The following MBNL2 variants were observed in gnomAD, a reference collection of about 807,000 sequenced individuals.
MBNL2 encodes muscleblind like splicing regulator 2, also known as muscleblind-like protein 2.
MBNL2 carries 17 observed loss-of-function variants against 41.9 expected under a neutral mutation model. That is an observed-to-expected ratio of 0.41 (90% CI 0.28 to 0.61). MBNL2 has a LOEUF of 0.61. Among genes scored for constraint, MBNL2 ranks in the 20% least tolerant of loss-of-function variants. The pLI is 0.35. For synonymous variants in MBNL2, 195 were observed against 182.9 expected (o/e 1.07, Z -0.53); for missense variants, 336 against 505.6 (o/e 0.66, Z 3.22).
the MBNL2 span, among the ~76,000 whole-genome samples, chr13:97,189,253 T>C: frequency 6.6e-6 from 1 of 152,228 alleles, no homozygotes; most frequent in Non-Finnish European, 1.5e-5. Context: ...CTAAGGTCGA[T>C]TTAATTACCT....
chr13:97,243,013 A>C (rs1431868361), intron 1 of MBNL2, among the ~76,000 whole-genome samples: 1 of 152,126 alleles, frequency 6.6e-6, no homozygotes, highest in African/African-American at 2.4e-5. Context: ...CTTGCCCTCT[A>C]TCAGCCTGAA....
chr13:97,237,445 T>A (rs930799667), intron 1 of MBNL2, among the ~76,000 whole-genome samples: 1 of 152,224 alleles, frequency 6.6e-6, no homozygotes. Flanking sequence ...TCCCATTTCC[T>A]TTCCCCTCAT....
At chr13:97,264,618 G>T (rs961760079) in intron 1 of MBNL2, among the ~76,000 whole-genome samples, 3 of 152,222 alleles carry the variant, frequency 2.0e-5, no homozygotes, top group African/African-American at 7.2e-5. Context: ...TGTTTTTAAA[G>T]TGTGTCTGTT....
intron 8 of MBNL2, among the ~76,000 whole-genome samples, chr13:97,390,787 G>A (rs1219397885): frequency 6.6e-6 from 1 of 152,106 alleles, no homozygotes; most frequent in Non-Finnish European, 1.5e-5. Context: ...ATTTGAACTG[G>A]TTGTCGTTAT....
At chr13:97,198,417 G>A in the MBNL2 span, among the ~76,000 whole-genome samples, 2 of 151,164 alleles carry the variant, frequency 1.3e-5, no homozygotes, top group African/African-American at 4.8e-5. Flanking sequence ...TGCAGGTCTT[G>A]GGACTTGCCA....
At chr13:97,355,088 A>G (rs943280307) in intron 5 of MBNL2, among the ~76,000 whole-genome samples, 5 of 152,358 alleles carry the variant, frequency 3.3e-5, no homozygotes, top group African/African-American at 9.6e-5. Flanking sequence ...ATGATGTCAA[A>G]GTTACATGCA....
intron 1 of MBNL2, among the ~76,000 whole-genome samples, chr13:97,234,210 C>A (rs1408934330): frequency 6.6e-6 from 1 of 152,202 alleles, no homozygotes; most frequent in South Asian, 2.1e-4. Flanking sequence ...AACCTGCACT[C>A]TTCATCCTTG....
intron 1 of MBNL2, among the ~76,000 whole-genome samples, chr13:97,237,541 C>A (rs2043508597): frequency 6.6e-6 from 1 of 152,112 alleles, no homozygotes. Flanking sequence ...GTATAAGATG[C>A]CTGTGAGATT....
chr13:97,381,633 G>T (rs960866661), intron 8 of MBNL2, among the ~76,000 whole-genome samples: 3 of 151,430 alleles, frequency 2.0e-5, no homozygotes, highest in African/African-American at 7.3e-5. Context: ...CTGCATAAAT[G>T]AATTTTTTTG....
upstream of MBNL2, among the ~76,000 whole-genome samples, chr13:97,220,562 G>T (rs1180837017): frequency 6.6e-6 from 1 of 152,198 alleles, no homozygotes; most frequent in Non-Finnish European, 1.5e-5. Flanking sequence ...CTATAATTCA[G>T]ATTTTATAGA....
intron 2 of MBNL2, among the ~76,000 whole-genome samples, chr13:97,325,251 AT>A (rs745672792): frequency 5.8e-4 from 88 of 152,144 alleles, no homozygotes; most frequent in Non-Finnish European, 1.6e-4. Context: ...CTGATGGGCT[AT>A]TTTTAGTCTC....
intron 1 of MBNL2, among the ~76,000 whole-genome samples, chr13:97,231,515 C>T (rs1355068476): frequency 1.3e-5 from 2 of 152,118 alleles, no homozygotes; most frequent in Non-Finnish European, 2.9e-5. Context: ...GGACCTACCT[C>T]CTCCACACAG....
At chr13:97,311,695 G>A (rs1044666340) in intron 2 of MBNL2, among the ~76,000 whole-genome samples, 2 of 140,872 alleles carry the variant, frequency 1.4e-5, no homozygotes, top group African/African-American at 2.6e-5. Flanking sequence ...TAGATGTGTG[G>A]TGCTCATGCA....
At chr13:97,308,977 G>T (rs1226066952) in intron 2 of MBNL2, among the ~76,000 whole-genome samples, 1 of 152,204 alleles carries the variant, frequency 6.6e-6, no homozygotes, top group Non-Finnish European at 1.5e-5. Context: ...AAGGGCATCA[G>T]AGATGGGCCT....
chr13:97,361,036 C>T (rs1046158876), intron 7 of MBNL2, among the ~76,000 whole-genome samples: 1 of 152,182 alleles, frequency 6.6e-6, no homozygotes, highest in Non-Finnish European at 1.5e-5. Flanking sequence ...TAAAACATAC[C>T]TTGAACCCGT....
chr13:97,176,118 A>G, the MBNL2 span, among the ~76,000 whole-genome samples: 1 of 152,196 alleles, frequency 6.6e-6, no homozygotes, highest in East Asian at 1.9e-4. Context: ...CTTTTCTGCC[A>G]GGCAAATAGC....
chr13:97,165,775 C>T, the MBNL2 span, among the ~76,000 whole-genome samples: 1 of 152,134 alleles, frequency 6.6e-6, no homozygotes, highest in Non-Finnish European at 1.5e-5. Flanking sequence ...TATAGTTATG[C>T]TTATTGAAAA....
At chr13:97,335,888 A>G (rs1190725538) in intron 3 of MBNL2, among the ~76,000 whole-genome samples, 1 of 152,248 alleles carries the variant, frequency 6.6e-6, no homozygotes, top group Non-Finnish European at 1.5e-5. Context: ...ATTGATGCTC[A>G]CATATAAACT....
chr13:97,202,406 C>T, the MBNL2 span, among the ~76,000 whole-genome samples: 1 of 152,182 alleles, frequency 6.6e-6, no homozygotes, highest in Non-Finnish European at 1.5e-5. Flanking sequence ...CTGCCAATTA[C>T]CGGTACTCCA....
Sources: allele counts gnomAD v4.1 joint callset (sites outside exome capture counted in the v4.1 genomes callset), GRCh38; gene constraint gnomAD v4.1.1; transcripts MANE v1.5; gene names NCBI Gene and HGNC (gene_info 2026-07-23, HGNC 2026-07-21).